The following CNTLN variants were observed in gnomAD, a reference collection of about 807,000 sequenced individuals.
CNTLN encodes centlein.
CNTLN carries 212 observed loss-of-function variants against 180.0 expected under a neutral mutation model. The ratio of observed to expected loss-of-function variants is 1.18; its 90% CI spans 1.05 to 1.32. The LOEUF (loss-of-function observed/expected upper bound fraction) is 1.32, where lower values mean the gene tolerates loss of function less well. Among genes scored for constraint, CNTLN ranks in the 40% most tolerant of loss-of-function variants. CNTLN has a pLI of 0.00. For synonymous variants in CNTLN, 722 were observed against 563.1 expected, an observed-to-expected ratio of 1.28 and a Z score of -3.99; for missense variants, 2,095 against 1,610.9, an observed-to-expected ratio of 1.30 and a Z score of -5.14.
intron 18 of CNTLN, among the ~76,000 whole-genome samples, chr9:17,445,099 TA>T (rs990702651): frequency 1.3e-5 from 2 of 152,210 alleles, no homozygotes; most frequent in African/African-American, 2.4e-5. Flanking sequence ...AAGTCCTTTC[TA>T]AAAATGTCCA....
At chr9:17,325,414 A>G (rs959395362) in intron 8 of CNTLN, among the ~76,000 whole-genome samples, 1 of 141,532 alleles carries the variant, frequency 7.1e-6, no homozygotes, top group African/African-American at 2.7e-5. Flanking sequence ...GTGTGTGTGT[A>G]TGTATACACA....
intron 2 of CNTLN, among the ~76,000 whole-genome samples, chr9:17,178,530 G>C (rs1820885393): frequency 1.3e-5 from 2 of 152,102 alleles, no homozygotes. Flanking sequence ...GGGGTGCATG[G>C]GGGACTCAGG....
the CNTLN span, among the ~76,000 whole-genome samples, chr9:17,516,562 G>A: frequency 5.3e-5 from 8 of 152,088 alleles, no homozygotes; most frequent in African/African-American, 1.2e-4. Flanking sequence ...CACACACTAC[G>A]GAAAACTCAA....
chr9:17,353,105 A>G (rs1822514298), intron 12 of CNTLN, among the ~76,000 whole-genome samples: 1 of 151,910 alleles, frequency 6.6e-6, no homozygotes, highest in South Asian at 2.1e-4. Flanking sequence ...CCACATGCTA[A>G]TCTATGTTTG....
chr9:17,442,429 C>T (rs922338898), intron 18 of CNTLN, among the ~76,000 whole-genome samples: 4 of 152,168 alleles, frequency 2.6e-5, no homozygotes, highest in African/African-American at 7.2e-5. Flanking sequence ...GATGGAGTCT[C>T]GCTCTGTCAC....
intron 13 of CNTLN, among the ~76,000 whole-genome samples, chr9:17,384,442 C>G (rs190852255): frequency 1.3e-5 from 2 of 152,294 alleles, no homozygotes; most frequent in African/African-American, 4.8e-5. Context: ...TGAATAGATT[C>G]TTCCCAGGCC....
the CNTLN span, among the ~76,000 whole-genome samples, chr9:17,525,278 G>A: frequency 6.6e-6 from 1 of 151,960 alleles, no homozygotes; most frequent in South Asian, 2.1e-4. Flanking sequence ...GGTACTGCAG[G>A]AATATTAAGT....
intron 23 of CNTLN, among the ~76,000 whole-genome samples, chr9:17,480,409 A>C (rs1004959344): frequency 6.6e-6 from 1 of 152,166 alleles, no homozygotes; most frequent in Non-Finnish European, 1.5e-5. Flanking sequence ...TTTGTGAAGA[A>C]AATGTAGAAA....
intron 23 of CNTLN, among the ~76,000 whole-genome samples, chr9:17,473,963 C>G (rs1325460548): frequency 6.6e-6 from 1 of 152,102 alleles, no homozygotes; most frequent in African/African-American, 2.4e-5. Context: ...ATTGGTTTTC[C>G]TCATCACATC....
At chr9:17,331,857 TG>T (rs1306661041) in intron 9 of CNTLN, among the ~76,000 whole-genome samples, 11 of 152,010 alleles carry the variant, frequency 7.2e-5, no homozygotes, top group African/African-American at 2.4e-4. Flanking sequence ...GGGCCTAATT[TG>T]GTTGCTTGCT....
chr9:17,341,899 C>T (rs1437702559), intron 11 of CNTLN, among the ~76,000 whole-genome samples: 3 of 152,098 alleles, frequency 2.0e-5, no homozygotes, highest in African/African-American at 7.2e-5. Context: ...GTGAAATCTA[C>T]TTTCTGACAT....
At chr9:17,411,800 C>A (rs112016484) in intron 16 of CNTLN, among the ~76,000 whole-genome samples, 5 of 152,184 alleles carry the variant, frequency 3.3e-5, no homozygotes, top group African/African-American at 1.2e-4. Flanking sequence ...CACTCCACCC[C>A]CTATCCATGC....
chr9:17,196,435 A>G (rs929317394), intron 2 of CNTLN, among the ~76,000 whole-genome samples: 1 of 152,150 alleles, frequency 6.6e-6, no homozygotes, highest in Non-Finnish European at 1.5e-5. Context: ...TATGGAATAT[A>G]TACATAAAAA....
At chr9:17,483,151 TGAA>T (rs1832731914) in intron 23 of CNTLN, among the ~76,000 whole-genome samples, 1 of 152,052 alleles carries the variant, frequency 6.6e-6, no homozygotes, top group African/African-American at 2.4e-5. Context: ...CCCGAATACG[TGAA>T]GAACTCCTAT....
At chr9:17,523,198 C>T in the CNTLN span, among the ~76,000 whole-genome samples, 5 of 152,130 alleles carry the variant, frequency 3.3e-5, no homozygotes, top group South Asian at 4.2e-4. Flanking sequence ...GGTCCTAGAA[C>T]GTGAACAGGG....
chr9:17,266,024 G>A (rs1409537051), intron 5 of CNTLN, among the ~76,000 whole-genome samples: 5 of 151,954 alleles, frequency 3.3e-5, no homozygotes, highest in Non-Finnish European at 4.4e-5. Flanking sequence ...AGGGCTTTTT[G>A]TGTTTCTATT....
intron 6 of CNTLN, among the ~76,000 whole-genome samples, chr9:17,281,381 T>C (rs1393628700): frequency 6.6e-6 from 1 of 152,146 alleles, no homozygotes; most frequent in Non-Finnish European, 1.5e-5. Context: ...CCTATCAATC[T>C]ATCACCTAGG....
chr9:17,382,486 C>G (rs763077047), intron 13 of CNTLN, among the ~76,000 whole-genome samples: 6 of 152,090 alleles, frequency 3.9e-5, no homozygotes, highest in Non-Finnish European at 8.8e-5. Context: ...CCAATAAAGG[C>G]AAAAACTTTT....
intron 18 of CNTLN, among the ~76,000 whole-genome samples, chr9:17,433,519 C>G (rs1829555567): frequency 6.6e-6 from 1 of 152,120 alleles, no homozygotes; most frequent in Non-Finnish European, 1.5e-5. Context: ...CTCCTGACCT[C>G]AGGTGATCCA....
Sources: gnomAD v4.1 joint callset for allele counts (sites outside exome capture counted in the v4.1 genomes callset) on GRCh38, gnomAD v4.1.1 for gene constraint, MANE v1.5 for transcripts, NCBI Gene and HGNC (gene_info 2026-07-23, HGNC 2026-07-21) for gene names.